The following GRIK1 variants were observed in gnomAD, a reference collection of about 807,000 sequenced individuals.
GRIK1 encodes glutamate receptor ionotropic, kainate 1.
GRIK1 carries 69 observed loss-of-function variants against 105.7 expected under a neutral mutation model. The observed-to-expected ratio is 0.65, with a 90% CI of 0.54 to 0.80. GRIK1 has a LOEUF of 0.80. Among genes scored for constraint, GRIK1 ranks in the 30% least tolerant of loss-of-function variants. GRIK1 has a pLI of 0.00. For missense variants in GRIK1, 1,109 were observed against 1,167.3 expected (o/e 0.95, Z 0.73); for synonymous variants, 438 against 431.3 (o/e 1.02, Z -0.19).
intron 1 of GRIK1, among the ~76,000 whole-genome samples, chr21:29,894,057 A>T (rs1011128677): frequency 2.6e-5 from 4 of 152,178 alleles, no homozygotes; most frequent in African/African-American, 9.7e-5. Flanking sequence ...TAGGTTGCAC[A>T]TGAGGAATAG....
intron 1 of GRIK1, among the ~76,000 whole-genome samples, chr21:29,876,273 A>G (rs1292375624): frequency 6.6e-6 from 1 of 152,076 alleles, no homozygotes; most frequent in African/African-American, 2.4e-5. Context: ...ATAACAGCTT[A>G]TTGAAAGTGC....
intron 1 of GRIK1, among the ~76,000 whole-genome samples, chr21:29,850,012 A>C (rs1454310220): frequency 3.3e-5 from 5 of 152,032 alleles, no homozygotes; most frequent in Non-Finnish European, 5.9e-5. Flanking sequence ...CCCCCATGAA[A>C]CTCACGTTTT....
chr21:29,708,837 A>C (rs2063977244), intron 1 of GRIK1, among the ~76,000 whole-genome samples: 1 of 152,202 alleles, frequency 6.6e-6, no homozygotes, highest in African/African-American at 2.4e-5. Context: ...ATTATTTGTT[A>C]CAGTAACAGA....
At chr21:29,540,320 A>G (rs1031744034) in intron 16 of GRIK1, among the ~76,000 whole-genome samples, 2 of 152,206 alleles carry the variant, frequency 1.3e-5, no homozygotes, top group Non-Finnish European at 2.9e-5. Context: ...ATATAAACAT[A>G]GTTTTATCAG....
At chr21:29,844,701 C>T (rs2068069958) in intron 1 of GRIK1, among the ~76,000 whole-genome samples, 1 of 152,212 alleles carries the variant, frequency 6.6e-6, no homozygotes, top group African/African-American at 2.4e-5. Flanking sequence ...CATATATTCT[C>T]ACTTCATTTA....
At chr21:29,604,375 A>G (rs1052084682) in intron 7 of GRIK1, among the ~76,000 whole-genome samples, 20 of 152,102 alleles carry the variant, frequency 1.3e-4, no homozygotes, top group Non-Finnish European at 2.9e-5. Flanking sequence ...ACAATTACCC[A>G]TGTCTTCCTG....
intron 1 of GRIK1, among the ~76,000 whole-genome samples, chr21:29,779,249 A>G (rs1035283511): frequency 6.6e-6 from 1 of 152,150 alleles, no homozygotes; most frequent in African/African-American, 2.4e-5. Context: ...CATTTCTTTG[A>G]CTCTGCATGA....
intron 12 of GRIK1, among the ~76,000 whole-genome samples, chr21:29,585,004 T>C (rs1253787499): frequency 1.3e-5 from 2 of 152,200 alleles, no homozygotes; most frequent in Non-Finnish European, 2.9e-5. Context: ...GACAGTACAC[T>C]TGTGCCCTGG....
intron 2 of GRIK1, among the ~76,000 whole-genome samples, chr21:29,691,978 G>T (rs188673586): frequency 6.6e-6 from 1 of 152,172 alleles, no homozygotes; most frequent in Non-Finnish European, 1.5e-5. Flanking sequence ...TTTCTGGTTA[G>T]GTTTTCATTA....
chr21:29,738,081 G>A (rs550360738), intron 1 of GRIK1, among the ~76,000 whole-genome samples: 64 of 152,374 alleles, frequency 4.2e-4, no homozygotes, highest in African/African-American at 1.5e-3. Context: ...CAAGAAGCTA[G>A]TCTACAAAGG....
At chr21:29,721,880 A>G (rs1393696907) in intron 1 of GRIK1, among the ~76,000 whole-genome samples, 1 of 152,142 alleles carries the variant, frequency 6.6e-6, no homozygotes, top group African/African-American at 2.4e-5. Flanking sequence ...CTTCCTCCTG[A>G]ACTACTGTTG....
chr21:29,881,606 C>T (rs2069410432), intron 1 of GRIK1, among the ~76,000 whole-genome samples: 1 of 152,008 alleles, frequency 6.6e-6, no homozygotes, highest in South Asian at 2.1e-4. Context: ...ATCAGGAAAC[C>T]AATGTCTAAA....
At chr21:29,825,493 C>G (rs775531382) in intron 1 of GRIK1, among the ~76,000 whole-genome samples, 1 of 152,040 alleles carries the variant, frequency 6.6e-6, no homozygotes, top group Non-Finnish European at 1.5e-5. Context: ...TTTGTGCACT[C>G]TTTTAGATGA....
At chr21:29,886,499 A>G (rs187628502) in intron 1 of GRIK1, among the ~76,000 whole-genome samples, 2 of 152,262 alleles carry the variant, frequency 1.3e-5, no homozygotes, top group African/African-American at 4.8e-5. Context: ...TATTATAAAG[A>G]TGGAGGAGAA....
intron 1 of GRIK1, among the ~76,000 whole-genome samples, chr21:29,716,492 C>G (rs1221611173): frequency 6.6e-6 from 1 of 152,070 alleles, no homozygotes; most frequent in Non-Finnish European, 1.5e-5. Flanking sequence ...TGGCTTTGAC[C>G]AAAATGCTGA....
chr21:29,809,711 G>A (rs1054987999), intron 1 of GRIK1, among the ~76,000 whole-genome samples: 17 of 152,164 alleles, frequency 1.1e-4, no homozygotes, highest in African/African-American at 3.6e-4. Flanking sequence ...CTAGCTTTCC[G>A]CCTGTCTCGG....
intron 14 of GRIK1, among the ~76,000 whole-genome samples, chr21:29,572,421 T>C (rs909638715): frequency 1.3e-5 from 2 of 152,270 alleles, no homozygotes; most frequent in East Asian, 3.9e-4. Context: ...TCTCCCTCCC[T>C]CTTTCCCTCT....
intron 1 of GRIK1, among the ~76,000 whole-genome samples, chr21:29,911,290 C>A (rs551482072): frequency 4.1e-4 from 63 of 152,112 alleles, no homozygotes; most frequent in African/African-American, 1.4e-3. Context: ...AATATAGGGA[C>A]AAAATGTTTA....
At chr21:29,629,928 A>T (rs76124386) in intron 7 of GRIK1, among the ~76,000 whole-genome samples, 7,226 of 152,238 alleles carry the variant, frequency 0.047, 253 homozygotes, top group Non-Finnish European at 0.072. Context: ...TGGCCCTAGG[A>T]GCCTAGCTAC....
Sources: gnomAD v4.1 joint callset for allele counts (sites outside exome capture counted in the v4.1 genomes callset) on GRCh38, gnomAD v4.1.1 for gene constraint, MANE v1.5 for transcripts, NCBI Gene and HGNC (gene_info 2026-07-23, HGNC 2026-07-21) for gene names.